The following MCTP2 variants were observed in gnomAD, a reference collection of about 807,000 sequenced individuals.
MCTP2 encodes the protein multiple C2 and transmembrane domain containing 2.
A neutral mutation model predicts 111.6 loss-of-function variants in MCTP2; 132 were observed. That is an observed-to-expected ratio of 1.18 (90% CI 1.03 to 1.37). The LOEUF is 1.37. Ranked by LOEUF, MCTP2 falls within the 40% of genes most tolerant of loss-of-function variation. The pLI, the probability that MCTP2 is intolerant of heterozygous loss-of-function variation, is 0.00. For synonymous variants in MCTP2, 395 were observed against 387.7 expected, an observed-to-expected ratio of 1.02 and a Z score of -0.22; for missense variants, 1,183 against 1,067.9, an observed-to-expected ratio of 1.11 and a Z score of -1.50.
chr15:94,282,203 C>G (rs1280079218), intron 1 of MCTP2, among the ~76,000 whole-genome samples: 1 of 152,146 alleles, frequency 6.6e-6, no homozygotes, highest in East Asian at 1.9e-4. Flanking sequence ...GTGTAGTCTT[C>G]TACATAATCC....
chr15:94,427,121 T>C (rs1009713559), intron 17 of MCTP2, among the ~76,000 whole-genome samples: 4 of 152,274 alleles, frequency 2.6e-5, no homozygotes, highest in Non-Finnish European at 5.9e-5. Flanking sequence ...AGCTTGACTG[T>C]CTGCTATTCT....
chr15:94,448,454 T>A (rs1350028634), intron 19 of MCTP2, among the ~76,000 whole-genome samples: 2 of 152,264 alleles, frequency 1.3e-5, no homozygotes, highest in Admixed American at 1.3e-4. Context: ...TTTTTCGTAG[T>A]CTATATAGAT....
intron 2 of MCTP2, among the ~76,000 whole-genome samples, chr15:94,302,573 A>C (rs1358220367): frequency 6.6e-6 from 1 of 152,122 alleles, no homozygotes; most frequent in East Asian, 1.9e-4. Context: ...GGATTTAGCC[A>C]GACTCTCTCT....
intron 17 of MCTP2, among the ~76,000 whole-genome samples, chr15:94,435,210 A>C (rs1464085532): frequency 1.3e-5 from 2 of 152,128 alleles, no homozygotes; most frequent in Non-Finnish European, 2.9e-5. Context: ...ATTTCTATAA[A>C]ATAAAGATTG....
chr15:94,352,788 A>G (rs533162066), intron 8 of MCTP2, among the ~76,000 whole-genome samples: 3 of 152,220 alleles, frequency 2.0e-5, no homozygotes, highest in Admixed American at 1.3e-4. Context: ...TTTGAAGAGC[A>G]CAAAAGACTT....
At chr15:94,395,239 G>T (rs1268021319) in intron 14 of MCTP2, among the ~76,000 whole-genome samples, 1 of 152,222 alleles carries the variant, frequency 6.6e-6, no homozygotes, top group Non-Finnish European at 1.5e-5. Context: ...TCATGGTATT[G>T]TCACGTTATT....
At chr15:94,365,952 A>G (rs1048106546) in intron 10 of MCTP2, among the ~76,000 whole-genome samples, 1 of 152,306 alleles carries the variant, frequency 6.6e-6, no homozygotes, top group Admixed American at 6.5e-5. Flanking sequence ...GAAAGTGTAT[A>G]TAACAGTGTA....
At chr15:94,403,710 C>A (rs983993645) in intron 17 of MCTP2, among the ~76,000 whole-genome samples, 1 of 152,174 alleles carries the variant, frequency 6.6e-6, no homozygotes, top group Non-Finnish European at 1.5e-5. Context: ...TTCTCCACGG[C>A]CTTTTCTCTG....
At position 94,411,379 on chromosome 15, in the gene MCTP2, C is replaced by G. The variant is rs536532039; in HGVS notation, c.2085+9360C>G. ...TCTCTCTGGCTGATCTTTTGGGGCT[C>G]CCCATCAGGTGGCATGTGCTCGCCA... On this transcript the variant is annotated intron_variant, in intron 17 of 22. Coordinates refer to ENST00000357742, the MANE Select transcript of MCTP2 (RefSeq NM_001385001.1). 6.6e-5 allele frequency among the ~76,000 whole-genome samples: 10 copies of G among 151,486 alleles called. 1 individual carries two copies. The South Asian group carries it at 2.1e-3, about 32-fold the overall frequency.
chr15:94,430,615 G>A (rs904279927), intron 17 of MCTP2, among the ~76,000 whole-genome samples: 1 of 151,002 alleles, frequency 6.6e-6, no homozygotes. Context: ...GGGCGTCGTG[G>A]TGGGCGCCTG....
chr15:94,307,660 C>T (rs551245762), intron 2 of MCTP2, among the ~76,000 whole-genome samples: 7 of 152,200 alleles, frequency 4.6e-5, no homozygotes, highest in South Asian at 4.1e-4. Flanking sequence ...CAGAAGGAAT[C>T]GTTGGCACAC....
intron 1 of MCTP2, among the ~76,000 whole-genome samples, chr15:94,272,608 C>T (rs1349460683): frequency 6.6e-6 from 1 of 152,152 alleles, no homozygotes; most frequent in African/African-American, 2.4e-5. Context: ...TAAATGGATA[C>T]ATTCAAGATT....
At chr15:94,275,258 TATC>T (rs1034158278) in intron 1 of MCTP2, among the ~76,000 whole-genome samples, 12 of 152,150 alleles carry the variant, frequency 7.9e-5, no homozygotes, top group African/African-American at 2.7e-4. Flanking sequence ...GGGTGCCCCT[TATC>T]ATTTCTATTA....
intron 1 of MCTP2, among the ~76,000 whole-genome samples, chr15:94,257,929 G>T (rs754000923): frequency 6.6e-6 from 1 of 151,030 alleles, no homozygotes; most frequent in Non-Finnish European, 1.5e-5. Context: ...GCCCAGGCTG[G>T]GGTGCAGTGG....
chr15:94,429,823 C>T (rs1295587479), intron 17 of MCTP2, among the ~76,000 whole-genome samples: 1 of 152,186 alleles, frequency 6.6e-6, no homozygotes, highest in South Asian at 2.1e-4. Flanking sequence ...TGTGTCTCCA[C>T]GTGGACATCT....
chr15:94,253,188 T>G (rs1216533754), intron 1 of MCTP2, among the ~76,000 whole-genome samples: 1 of 152,214 alleles, frequency 6.6e-6, no homozygotes, highest in Non-Finnish European at 1.5e-5. Flanking sequence ...ACACACTTGT[T>G]TGAGGAGAGA....
intron 9 of MCTP2, among the ~76,000 whole-genome samples, chr15:94,358,152 A>G (rs2078730327): frequency 6.6e-6 from 1 of 152,258 alleles, no homozygotes; most frequent in Non-Finnish European, 1.5e-5. Flanking sequence ...GTGATGTCCT[A>G]TAAGACAGAC....
intron 19 of MCTP2, among the ~76,000 whole-genome samples, chr15:94,445,942 G>A (rs1271891327): frequency 3.9e-5 from 6 of 152,152 alleles, no homozygotes; most frequent in Non-Finnish European, 7.4e-5. Flanking sequence ...AAAGCGTGCC[G>A]GGGCCTGTTG....
chr15:94,385,332 G>A, intron 13 of MCTP2, 91 bp from the exon 14 acceptor site: 2 of 853,712 alleles, frequency 2.3e-6, no homozygotes, highest in Non-Finnish European at 3.9e-6. Flanking sequence ...AGGACATACA[G>A]ACTTAATTAG....
Sources: allele counts gnomAD v4.1 joint callset (sites outside exome capture counted in the v4.1 genomes callset), GRCh38; gene constraint gnomAD v4.1.1; transcripts MANE v1.5; gene names NCBI Gene and HGNC (gene_info 2026-07-23, HGNC 2026-07-21).